Variants in TBC1D23 observed in about 807,000 individuals in gnomAD.
The protein encoded by TBC1D23 is TBC1 domain family member 23.
Under a neutral mutation model 91.4 loss-of-function variants are expected in TBC1D23, and 55 were observed. That is an observed-to-expected ratio of 0.60 (90% CI 0.48 to 0.75). The LOEUF is 0.75. TBC1D23 is among the 30% of genes least tolerant of loss of function. The probability of loss-of-function intolerance (pLI) is 0.00; values close to 1 mark genes in which losing one functional copy is unlikely to be tolerated. For synonymous variants in TBC1D23, 289 were observed against 281.0 expected (o/e 1.03, Z -0.28); for missense variants, 725 against 836.1 (o/e 0.87, Z 1.64).
At position 100,302,154 on chromosome 3, in the gene TBC1D23, G is replaced by A; in HGVS notation, c.1180G>A (p.Gly394Ser). ...KQSIESGSIA[G>S]GEHLCFMGSG... ...GTCCATTGAGTCTGGCTCCATAGCT[G>A]GTGGGGAGCACCTCTGTTTTATGGG... The change falls in exon 11 of 19, where the codon GGT (glycine) becomes AGT (serine). Residue 394 changes from glycine to serine, a missense_variant. Gly to Ser is a moderately conservative substitution (Grantham distance 56). Transcript: ENST00000394144. 1.9e-6 allele frequency: 3 copies of A among 1,614,020 alleles called. No individual in the cohort carries two copies. The highest frequency in any genetic ancestry group is 1.7e-6 in the Non-Finnish European group (2 of 1,179,916).
intron 1 of TBC1D23, among the ~76,000 whole-genome samples, chr3:100,272,222 G>C (rs1223251888): frequency 1.3e-5 from 2 of 152,056 alleles, no homozygotes; most frequent in African/African-American, 4.8e-5. Context: ...CCAATATTCA[G>C]TATTGGAGAA....
At chr3:100,310,752 A>G (rs1345440498) in intron 14 of TBC1D23, among the ~76,000 whole-genome samples, 2 of 152,218 alleles carry the variant, frequency 1.3e-5, no homozygotes, top group Non-Finnish European at 2.9e-5. Context: ...AAAGATGCAA[A>G]TAATGTATCT....
At chr3:100,314,091 A>ATTTTTTTTTTTTTTTTTTTT (rs71299383) in intron 15 of TBC1D23, among the ~76,000 whole-genome samples, 2 of 94,576 alleles carry the variant, frequency 2.1e-5, no homozygotes, top group African/African-American at 3.9e-5. Flanking sequence ...AGGCTACAAA[A>ATTTTTTTTTTTTTTTTTTTT]TTTTTTTTTT....
intron 1 of TBC1D23, chr3:100,261,399 T>C (rs2067509458): frequency 2.6e-6 from 1 of 391,042 alleles, no homozygotes; most frequent in Admixed American, 4.5e-5. Flanking sequence ...GCTGTGGGAG[T>C]TGGAGTAGGC....
At chr3:100,285,987 C>T (rs987641556) in intron 4 of TBC1D23, among the ~76,000 whole-genome samples, 1 of 151,554 alleles carries the variant, frequency 6.6e-6, no homozygotes, top group Admixed American at 6.6e-5. Context: ...TTTAGAGTTT[C>T]AGATATAAGT....
chr3:100,312,239 C>T (rs13098188), intron 15 of TBC1D23, among the ~76,000 whole-genome samples: 35,746 of 152,034 alleles, frequency 0.24, 4,651 homozygotes, highest in East Asian at 0.49. Flanking sequence ...GCTTCTATCT[C>T]CCGCCTAGCA....
At chr3:100,281,705 C>T (rs757755927) in intron 2 of TBC1D23, 37 bp from the exon 3 acceptor site, 1 of 1,299,160 alleles carries the variant, frequency 7.7e-7, no homozygotes, top group Admixed American at 1.7e-5. Flanking sequence ...TGAGGAATAA[C>T]ATATGAAGCT....
chr3:100,302,991 T>C (rs997785943), intron 11 of TBC1D23, among the ~76,000 whole-genome samples: 1 of 152,266 alleles, frequency 6.6e-6, no homozygotes, highest in East Asian at 1.9e-4. Context: ...TAAATACATA[T>C]GCATATTCAT....
chr3:100,322,945 T>C (rs959512600), intron 18 of TBC1D23, among the ~76,000 whole-genome samples: 1 of 152,166 alleles, frequency 6.6e-6, no homozygotes, highest in Non-Finnish European at 1.5e-5. Flanking sequence ...GATGCTTTTT[T>C]AAAAAAATAC....
At chr3:100,272,274 TC>T (rs1249271963) in intron 1 of TBC1D23, among the ~76,000 whole-genome samples, 6 of 152,336 alleles carry the variant, frequency 3.9e-5, no homozygotes, top group Non-Finnish European at 7.3e-5. Context: ...CCACATTGTT[TC>T]CTACTTAATG....
At chr3:100,268,434 A>G (rs557800685) in intron 1 of TBC1D23, among the ~76,000 whole-genome samples, 2 of 152,246 alleles carry the variant, frequency 1.3e-5, no homozygotes, top group East Asian at 1.9e-4. Context: ...TTGCCAAACT[A>G]TGATCCCCAT....
chr3:100,305,239 T>C (rs1406403501), intron 12 of TBC1D23, among the ~76,000 whole-genome samples: 1 of 152,150 alleles, frequency 6.6e-6, no homozygotes, highest in African/African-American at 2.4e-5. Flanking sequence ...AGTATACCCT[T>C]TGGACTCTTT....
intron 1 of TBC1D23, among the ~76,000 whole-genome samples, chr3:100,273,808 G>A (rs989793463): frequency 6.6e-6 from 1 of 152,140 alleles, no homozygotes; most frequent in African/African-American, 2.4e-5. Context: ...TAACTGGATA[G>A]CCATATGCAG....
intron 18 of TBC1D23, among the ~76,000 whole-genome samples, chr3:100,322,758 T>C (rs1387576736): frequency 2.6e-5 from 4 of 152,162 alleles, no homozygotes; most frequent in Admixed American, 6.5e-5. Flanking sequence ...TTATTATATA[T>C]GGATCAACAT....
intron 13 of TBC1D23, among the ~76,000 whole-genome samples, chr3:100,309,827 T>TC (rs62813160): frequency 0.12 from 18,737 of 151,986 alleles, 2,366 homozygotes; most frequent in East Asian, 0.37. Context: ...GCCAGTCTGG[T>TC]CTTGAACTCC....
intron 5 of TBC1D23, among the ~76,000 whole-genome samples, chr3:100,293,344 AG>A (rs1366939368): frequency 6.6e-6 from 1 of 151,950 alleles, no homozygotes; most frequent in Non-Finnish European, 1.5e-5. Context: ...CATGTTAGCC[AG>A]GATGGTCTCG....
At chr3:100,303,972 T>C (rs1279670598) in intron 11 of TBC1D23, among the ~76,000 whole-genome samples, 2 of 152,130 alleles carry the variant, frequency 1.3e-5, no homozygotes, top group South Asian at 2.1e-4. Context: ...TGCCATAAAC[T>C]CATTATGAAG....
At chr3:100,274,901 C>T (rs544744684) in intron 1 of TBC1D23, among the ~76,000 whole-genome samples, 8 of 133,584 alleles carry the variant, frequency 6.0e-5, no homozygotes, top group African/African-American at 2.1e-4. Context: ...CACACCCCCC[C>T]CCTTTTTGTT....
At chr3:100,322,358 G>A (rs1705874632) in intron 18 of TBC1D23, among the ~76,000 whole-genome samples, 1 of 152,132 alleles carries the variant, frequency 6.6e-6, no homozygotes, top group South Asian at 2.1e-4. Flanking sequence ...CTCCCAAAGT[G>A]CTGAGATTAC....
Sources: allele counts gnomAD v4.1 joint callset (sites outside exome capture counted in the v4.1 genomes callset), GRCh38; gene constraint gnomAD v4.1.1; transcripts MANE v1.5; gene names NCBI Gene and HGNC (gene_info 2026-07-23, HGNC 2026-07-21).